Variants in MSI2 observed in about 807,000 individuals in gnomAD.
MSI2 encodes the protein RNA-binding protein Musashi homolog 2.
In MSI2, 17 loss-of-function variants were observed where a neutral mutation model predicts 45.6. The observed-to-expected ratio is 0.37, with a 90% confidence interval of 0.26 to 0.56. The LOEUF is 0.56. Ranked by LOEUF, MSI2 falls within the 20% of genes least tolerant of loss-of-function variation. MSI2 has a pLI of 0.77. For missense variants in MSI2, 293 were observed against 444.2 expected, an observed-to-expected ratio of 0.66 and a Z score of 3.06; for synonymous variants, 156 against 158.2, an observed-to-expected ratio of 0.99 and a Z score of 0.11.
intron 5 of MSI2, among the ~76,000 whole-genome samples, chr17:57,323,614 C>T (rs7211628): frequency 0.016 from 2,433 of 152,364 alleles, 62 homozygotes; most frequent in African/African-American, 0.053. Context: ...GCCTGTGCTG[C>T]GCTGCCAAGC....
chr17:57,692,892 G>A, the MSI2 span, among the ~76,000 whole-genome samples: 2 of 141,426 alleles, frequency 1.4e-5, no homozygotes, highest in Non-Finnish European at 3.1e-5. Flanking sequence ...CTAGATGAAT[G>A]CATGGGCTTT....
intron 5 of MSI2, among the ~76,000 whole-genome samples, chr17:57,364,582 T>G (rs1327237570): frequency 6.6e-6 from 1 of 152,226 alleles, no homozygotes; most frequent in African/African-American, 2.4e-5. Flanking sequence ...AATGGGCTTG[T>G]GTTTAAGCCC....
At chr17:57,675,836 A>G (rs1913190586) in intron 12 of MSI2, among the ~76,000 whole-genome samples, 1 of 152,206 alleles carries the variant, frequency 6.6e-6, no homozygotes, top group South Asian at 2.1e-4. Context: ...GTGGTTCTAT[A>G]ATCTGACTAA....
chr17:57,405,476 A>G (rs1256750038), intron 6 of MSI2, among the ~76,000 whole-genome samples: 1 of 152,248 alleles, frequency 6.6e-6, no homozygotes, highest in African/African-American at 2.4e-5. Context: ...GTATTCAAAC[A>G]TTAATAGGAT....
intron 2 of MSI2, 25 bp downstream of exon 2, chr17:57,257,163 T>C (rs899078301): frequency 1.4e-6 from 2 of 1,445,056 alleles, no homozygotes; most frequent in Non-Finnish European, 9.4e-7. Context: ...GGGGGACGCC[T>C]GGGTCCCCCC....
intron 6 of MSI2, among the ~76,000 whole-genome samples, chr17:57,405,966 G>A (rs1567805287): frequency 6.6e-6 from 1 of 152,170 alleles, no homozygotes; most frequent in East Asian, 1.9e-4. Context: ...GCTGAGGAGA[G>A]CCTGGATAGT....
At chr17:57,493,963 C>G (rs536149720) in intron 6 of MSI2, among the ~76,000 whole-genome samples, 1 of 152,288 alleles carries the variant, frequency 6.6e-6, no homozygotes, top group Admixed American at 6.5e-5. Flanking sequence ...AGCCTGGGAG[C>G]TGGCACTGCA....
chr17:57,584,339 G>A (rs1366861473), intron 7 of MSI2, among the ~76,000 whole-genome samples: 2 of 152,188 alleles, frequency 1.3e-5, no homozygotes, highest in Non-Finnish European at 2.9e-5. Context: ...CCACCCCCTG[G>A]TGAATTTAAG....
At chr17:57,580,877 G>A (rs149289382) in intron 7 of MSI2, among the ~76,000 whole-genome samples, 297 of 152,180 alleles carry the variant, frequency 2.0e-3, no homozygotes, top group African/African-American at 6.7e-3. Flanking sequence ...AGTCTCAGCT[G>A]GTAGCCCACT....
chr17:57,369,208 G>A (rs2083385741), intron 5 of MSI2, among the ~76,000 whole-genome samples: 1 of 152,156 alleles, frequency 6.6e-6, no homozygotes, highest in Non-Finnish European at 1.5e-5. Context: ...CAGTTGTCCT[G>A]CAGCAAGCCA....
At position 57,280,168 on chromosome 17, in the gene MSI2, CA is replaced by C. The variant is rs1214872270; in HGVS notation, c.312+17977del. 6.6e-6 allele frequency among the ~76,000 whole-genome samples: 1 copy of C among 151,966 alleles called. No homozygotes were observed. The highest frequency in any genetic ancestry group is 1.5e-5 in the Non-Finnish European group (1 of 67,992). ...GCTGGAATGCAGAGAGTGAGGAGGA[CA>C]GGGGGACAGGCGAGGTCACACTTGC... On this transcript the variant is annotated intron_variant, in intron 5 of 13. Coordinates refer to ENST00000284073, the MANE Select transcript of MSI2 (RefSeq NM_138962.4). The surrounding 1 kb of genome is among the most constrained non-coding windows in gnomAD (Gnocchi z 4.2).
chr17:57,531,308 T>G, intron 7 of MSI2, among the ~76,000 whole-genome samples: 1 of 152,244 alleles, frequency 6.6e-6, no homozygotes, highest in East Asian at 1.9e-4. Context: ...TAGAACCTCC[T>G]CACAGGATTG....
chr17:57,561,519 C>A (rs555900687), intron 7 of MSI2, among the ~76,000 whole-genome samples: 72 of 152,322 alleles, frequency 4.7e-4, no homozygotes, highest in African/African-American at 1.6e-3. Flanking sequence ...TCCACCCCCA[C>A]CTGACCTTTC....
chr17:57,406,483 C>T (rs1250115373), intron 6 of MSI2, among the ~76,000 whole-genome samples: 2 of 152,276 alleles, frequency 1.3e-5, no homozygotes, highest in South Asian at 2.1e-4. Context: ...GGAGCCGTTC[C>T]GCACCTTTCA....
intron 7 of MSI2, among the ~76,000 whole-genome samples, chr17:57,568,753 A>G (rs1044459527): frequency 1.5e-4 from 23 of 152,200 alleles, no homozygotes; most frequent in Admixed American, 2.0e-4. Flanking sequence ...TAGACTTTCA[A>G]CCAAAGGAGG....
At chr17:57,600,274 C>T (rs1429729407) in intron 8 of MSI2, among the ~76,000 whole-genome samples, 3 of 152,210 alleles carry the variant, frequency 2.0e-5, no homozygotes, top group South Asian at 2.1e-4. Context: ...CTCAAACCCT[C>T]GCAATCTTTC....
Position 57,682,317 on chromosome 17 carries a change from T to TCCCC in MSI2, c.*2809_*2812dup, listed in dbSNP as rs397856811. On this transcript the variant is annotated 3_prime_UTR_variant, in exon 14 of 14. Transcript: ENST00000284073. Reference sequence around the variant, plus strand: ...GGCGGACTCTACGGCGTTTTGTAGATCCCCCCCCCCCCACCCACTGTGAAG... The same window carrying TCCCC: ...GGCGGACTCTACGGCGTTTTGTAGATCCCCCCCCCCCCCCCCACCCACTGTGAAG... The TCCCC allele has an allele frequency of 2.8e-4, 33 of 119,382 alleles. No homozygotes were observed. The highest frequency in any genetic ancestry group is 5.5e-4 in the East Asian group (3 of 5,456). The allele number at this position is 119,382 out of a possible 1,614,324, so 7.4% of individuals were successfully genotyped here.
At chr17:57,577,094 A>G (rs2088070673) in intron 7 of MSI2, among the ~76,000 whole-genome samples, 1 of 152,212 alleles carries the variant, frequency 6.6e-6, no homozygotes, top group Non-Finnish European at 1.5e-5. Context: ...AGAGGAACCA[A>G]GGAGACTCGA....
At chr17:57,669,520 G>A (rs924399889) in intron 11 of MSI2, among the ~76,000 whole-genome samples, 2 of 152,246 alleles carry the variant, frequency 1.3e-5, no homozygotes, top group African/African-American at 4.8e-5. Flanking sequence ...TACGACTATG[G>A]AGTTTTAAAT....
Sources: gnomAD v4.1 joint callset for allele counts (sites outside exome capture counted in the v4.1 genomes callset) on GRCh38, gnomAD v4.1.1 for gene constraint, Gnocchi (gnomAD v3.1) non-coding constraint, MANE v1.5 for transcripts, NCBI Gene and HGNC (gene_info 2026-07-23, HGNC 2026-07-21) for gene names.